Variants in ZFR observed in about 807,000 individuals in gnomAD.
ZFR encodes zinc finger RNA-binding protein.
Under a neutral mutation model 130.7 loss-of-function variants are expected in ZFR, and 19 were observed. The ratio of observed to expected loss-of-function variants is 0.15; its 90% CI spans 0.10 to 0.21. The LOEUF is 0.21. Among genes scored for constraint, ZFR ranks in the 10% least tolerant of loss-of-function variants. ZFR has a pLI of 1.00. For synonymous variants in ZFR, 466 were observed against 456.9 expected (o/e 1.02, Z -0.25); for missense variants, 872 against 1,321.5 (o/e 0.66, Z 5.27).
At chr5:32,424,243 T>A (rs1334640780) in intron 2 of ZFR, among the ~76,000 whole-genome samples, 1 of 151,722 alleles carries the variant, frequency 6.6e-6, no homozygotes, top group Non-Finnish European at 1.5e-5. Flanking sequence ...AATGACAACA[T>A]GATTAAGAAA....
chr5:32,385,383 A>C (rs1753022788), intron 15 of ZFR, 125 bp downstream of exon 15: 3 of 1,158,410 alleles, frequency 2.6e-6, no homozygotes, highest in African/African-American at 1.6e-5. Context: ...TTGCTAAATA[A>C]GTCAAATCTA....
At chr5:32,409,545 A>G (rs1753652543) in intron 5 of ZFR, among the ~76,000 whole-genome samples, 1 of 151,518 alleles carries the variant, frequency 6.6e-6, no homozygotes, top group Admixed American at 6.6e-5. Context: ...AGCTGGGATT[A>G]CAGGCGTGTA....
Position 32,385,635 on chromosome 5 carries a change from C to G in ZFR, c.2514G>C (p.Glu838Asp). The change falls in exon 15 of 20, where the codon GAG (glutamate) becomes GAC (aspartate). Residue 838 changes from glutamate to aspartate, a missense_variant. By Grantham distance (45) the Glu-to-Asp change is conservative. Coordinates refer to ENST00000265069, the MANE Select transcript of ZFR (RefSeq NM_016107.5). ...ATACAGCACATTTTATGTCATACTT[C>G]TCAGGGCTTATAACCTGTGTAATGA... ...LPKQLAVISP[E>D]KYDIKCAVSE... is the part of the protein sequence containing the mutation. 1 of 1,613,128 alleles carries G rather than the reference C, an allele frequency of 6.2e-7. No homozygotes were observed. The highest frequency in any genetic ancestry group is 1.3e-5 in the African/African-American group (1 of 75,016).
At chr5:32,362,082 C>G (rs751996795) in intron 19 of ZFR, among the ~76,000 whole-genome samples, 3 of 152,242 alleles carry the variant, frequency 2.0e-5, no homozygotes, top group South Asian at 2.1e-4. Flanking sequence ...ATATTACTGG[C>G]AATTATTTAG....
intron 17 of ZFR, among the ~76,000 whole-genome samples, chr5:32,367,019 A>C (rs1454754181): frequency 1.3e-5 from 2 of 151,808 alleles, no homozygotes; most frequent in African/African-American, 4.8e-5. Flanking sequence ...CAGTTTCCCC[A>C]GTAGCTGAGA....
chr5:32,414,889 T>C (rs1311599321), intron 5 of ZFR, 80 bp downstream of exon 5: 2 of 1,283,106 alleles, frequency 1.6e-6, no homozygotes, highest in Non-Finnish European at 1.1e-6. Flanking sequence ...AGTAAGGTAA[T>C]TTCAAAGACA....
Position 32,367,963 on chromosome 5 carries a change from G to A in ZFR, c.2836-3688C>T, listed in dbSNP as rs564277483. Among the ~76,000 whole-genome samples the A allele has an allele frequency of 1.6e-4, 24 of 152,142 alleles. No homozygotes were observed. The South Asian group carries it at 2.1e-3, about 13-fold the overall frequency. On this transcript the variant is annotated intron_variant, in intron 17 of 19. Transcript: ENST00000265069. Reference sequence around the variant, plus strand: ...CTGAGATTTGAACCCAGGTCTTTCTGAAATCAAAATAATGCTTTTTTTTTT... The same window carrying A: ...CTGAGATTTGAACCCAGGTCTTTCTAAAATCAAAATAATGCTTTTTTTTTT...
At chr5:32,420,232 G>T in intron 2 of ZFR, 129 bp from the exon 3 acceptor site, 2 of 1,065,972 alleles carry the variant, frequency 1.9e-6, no homozygotes, top group Non-Finnish European at 1.3e-6. Context: ...GACCACAAAA[G>T]GTCAAGTACT....
chr5:32,393,866 T>A (rs190834622), intron 11 of ZFR, among the ~76,000 whole-genome samples: 1 of 152,112 alleles, frequency 6.6e-6, no homozygotes, highest in African/African-American at 2.4e-5. Context: ...ATCGCCTCAA[T>A]AGGTTCACAT....
intron 13 of ZFR, among the ~76,000 whole-genome samples, chr5:32,388,073 GCTTAGGCT>G (rs148290335): frequency 0.015 from 2,233 of 152,236 alleles, 46 homozygotes; most frequent in African/African-American, 0.05. Context: ...CATTACTAAA[GCTTAGGCT>G]TAATCATGCT....
chr5:32,423,590 A>G (rs763401945), intron 2 of ZFR, among the ~76,000 whole-genome samples: 9 of 152,114 alleles, frequency 5.9e-5, no homozygotes, highest in South Asian at 2.1e-4. Context: ...AAAAGAAAGG[A>G]TAAGTCTAGA....
At chr5:32,415,516 G>GTGTGTGCA (rs61598066) in intron 4 of ZFR, among the ~76,000 whole-genome samples, 1 of 77,200 alleles carries the variant, frequency 1.3e-5, no homozygotes, top group Non-Finnish European at 2.5e-5. Flanking sequence ...GTGTGTGTGT[G>GTGTGTGCA]CGCGCGCGCG....
At position 32,403,892 on chromosome 5, in the gene ZFR, A is replaced by G. The variant is rs531365353; in HGVS notation, c.1224+14T>C. The G allele has an allele frequency of 9.3e-5, 145 of 1,557,736 alleles. No homozygotes were observed. Among genetic ancestry groups the G allele is most frequent in the Non-Finnish European group, 1.2e-4 (135 of 1,149,750 alleles). On this transcript the variant is annotated intron_variant, in intron 7 of 19. Coordinates refer to ENST00000265069, the MANE Select transcript of ZFR (RefSeq NM_016107.5). ...GAATCAAGGCATAAGGGTGTGTGGG[A>G]AAAAAACACCTACTTTCTGATGCTT...
intron 2 of ZFR, among the ~76,000 whole-genome samples, chr5:32,436,410 CA>C (rs1331458970): frequency 6.6e-6 from 1 of 152,030 alleles, no homozygotes; most frequent in Non-Finnish European, 1.5e-5. Flanking sequence ...CTCAGCCTCC[CA>C]AAGTGCTGGT....
intron 17 of ZFR, among the ~76,000 whole-genome samples, chr5:32,377,845 C>A (rs535585818): frequency 1.3e-5 from 2 of 152,116 alleles, no homozygotes; most frequent in Non-Finnish European, 2.9e-5. Context: ...GTGCCCGCCA[C>A]CATGCCCAGC....
Position 32,358,737 on chromosome 5 carries a change from T to A in ZFR, c.3046-2798A>T, listed in dbSNP as rs145361795. The stretch of plus-strand genomic sequence containing the variant: ...TAAAAAAAAAAGGGGAGGGGGGAAG[T>A]TCAGACCAAATGTTAATTAATCGTC... On this transcript the variant is annotated intron_variant, in intron 19 of 19. Coordinates refer to ENST00000265069, the MANE Select transcript of ZFR (RefSeq NM_016107.5). Among the ~76,000 whole-genome samples, 226 of 151,382 alleles carry A rather than the reference T, an allele frequency of 1.5e-3. 1 individual carries two copies. Among genetic ancestry groups the A allele is most frequent in the African/African-American group, 4.9e-3 (202 of 41,316 alleles).
chr5:32,355,984 A>C, intron 19 of ZFR, 45 bp from the exon 20 acceptor site: 2 of 1,514,358 alleles, frequency 1.3e-6, no homozygotes, highest in South Asian at 1.3e-5. Flanking sequence ...GAAAAACCCC[A>C]AGTAGTAATA....
chr5:32,364,924 A>C (rs1752510273), intron 17 of ZFR: 1 of 152,220 alleles, frequency 6.6e-6, no homozygotes, highest in African/African-American at 2.4e-5. Context: ...GTTGTTCAAT[A>C]ATCACCATTA....
intron 3 of ZFR, among the ~76,000 whole-genome samples, chr5:32,419,171 C>A (rs930468621): frequency 6.6e-6 from 1 of 152,160 alleles, no homozygotes; most frequent in African/African-American, 2.4e-5. Flanking sequence ...CAAGGGAAGT[C>A]TTTTCTATGT....
Sources: gnomAD v4.1 joint callset for allele counts (sites outside exome capture counted in the v4.1 genomes callset) on GRCh38, gnomAD v4.1.1 for gene constraint, MANE v1.5 for transcripts, NCBI Gene and HGNC (gene_info 2026-07-23, HGNC 2026-07-21) for gene names.